The following ZNF536 variants were observed in gnomAD, a reference collection of about 807,000 sequenced individuals.
The protein encoded by ZNF536 is zinc finger protein 536.
ZNF536 carries 13 observed loss-of-function variants against 84.5 expected under a neutral mutation model. That is an observed-to-expected ratio of 0.15 (90% CI 0.10 to 0.24). The LOEUF is 0.24. Among genes scored for constraint, ZNF536 ranks in the 10% least tolerant of loss-of-function variants. The probability of loss-of-function intolerance (pLI) is 1.00; values close to 1 mark genes in which losing one functional copy is unlikely to be tolerated. For missense variants in ZNF536, 1,536 were observed against 1,747.5 expected (o/e 0.88, Z 2.16); for synonymous variants, 811 against 742.5 (o/e 1.09, Z -1.50).
intron 1 of ZNF536, among the ~76,000 whole-genome samples, chr19:30,699,061 C>G (rs2051783639): frequency 6.6e-6 from 1 of 152,216 alleles, no homozygotes; most frequent in South Asian, 2.1e-4. Flanking sequence ...GCTTCTTCAG[C>G]AAGCTCTGTG....
chr19:30,296,004 C>A (rs2045985313), intron 2 of ZNF536, among the ~76,000 whole-genome samples: 1 of 152,210 alleles, frequency 6.6e-6, no homozygotes, highest in Admixed American at 6.5e-5. Context: ...TCGGGCAGGG[C>A]AGGTTAGCTT....
chr19:30,401,946 T>A (rs1351748508), intron 1 of ZNF536, among the ~76,000 whole-genome samples: 1 of 152,242 alleles, frequency 6.6e-6, no homozygotes, highest in Non-Finnish European at 1.5e-5. Context: ...CTGTGAAATG[T>A]GCAATATGGC....
At chr19:30,280,032 A>T (rs2045381934) in intron 1 of ZNF536, among the ~76,000 whole-genome samples, 1 of 151,790 alleles carries the variant, frequency 6.6e-6, no homozygotes, top group African/African-American at 2.4e-5. Flanking sequence ...AATACACTCC[A>T]CCTCCCGCAG....
At chr19:30,467,312 T>C (rs981798975) in intron 2 of ZNF536, among the ~76,000 whole-genome samples, 4 of 152,224 alleles carry the variant, frequency 2.6e-5, no homozygotes, top group Non-Finnish European at 5.9e-5. Context: ...ACCCTTCTAC[T>C]TTCCATGTAT....
rs933375578 is a variant in ZNF536, at chr19:30,445,554, G to C, written c.1992G>C (p.Leu664=). ...KRDRKGEEDG[L]HVGLDERRGS... Reference sequence around the variant, plus strand: ...ACCGCAAGGGCGAGGAGGATGGGCTGCACGTGGGCCTGGATGAGCGGCGTG... The same window carrying C: ...ACCGCAAGGGCGAGGAGGATGGGCTCCACGTGGGCCTGGATGAGCGGCGTG... The change falls in exon 2 of 5, where the codon CTG becomes CTC. Residue 664 remains leucine, a synonymous_variant. Coordinates refer to ENST00000355537, the MANE Select transcript of ZNF536 (RefSeq NM_014717.3). This position sits in a 1 kb window ranked among gnomAD's most constrained non-coding sequence, Gnocchi z 4.5. 1 of 1,613,440 alleles carries C rather than the reference G, an allele frequency of 6.2e-7. No homozygotes were observed. Among genetic ancestry groups the C allele is most frequent in the African/African-American group, 1.3e-5 (1 of 74,956 alleles).
At chr19:30,255,333 G>A (rs1418549519) in intron 1 of ZNF536, among the ~76,000 whole-genome samples, 1 of 152,144 alleles carries the variant, frequency 6.6e-6, no homozygotes, top group Non-Finnish European at 1.5e-5. Flanking sequence ...AATATTTGCG[G>A]GGAGATAGTT....
intron 1 of ZNF536, among the ~76,000 whole-genome samples, chr19:30,694,447 G>A (rs796394046): frequency 3.5e-4 from 54 of 152,286 alleles, no homozygotes; most frequent in African/African-American, 1.3e-3. Context: ...TGGCTGTTTA[G>A]TTGAGAGTGG....
chr19:30,475,818 C>G (rs1218569120), intron 2 of ZNF536, among the ~76,000 whole-genome samples: 1 of 152,174 alleles, frequency 6.6e-6, no homozygotes, highest in Non-Finnish European at 1.5e-5. Context: ...TGAGGGGTCC[C>G]CCTTTCTCCC....
intron 1 of ZNF536, among the ~76,000 whole-genome samples, chr19:30,635,111 G>A (rs1044851511): frequency 3.3e-5 from 5 of 152,182 alleles, no homozygotes; most frequent in African/African-American, 4.8e-5. Context: ...CCCCACACGC[G>A]CATGTTTAGG....
chr19:30,370,694 A>G (rs2048582629), upstream of ZNF536, among the ~76,000 whole-genome samples: 1 of 152,240 alleles, frequency 6.6e-6, no homozygotes, highest in Admixed American at 6.5e-5. Context: ...CAATATCAAT[A>G]CTTAACAGCA....
chr19:30,511,987 A>G (rs1370377986), intron 2 of ZNF536, among the ~76,000 whole-genome samples: 1 of 152,206 alleles, frequency 6.6e-6, no homozygotes, highest in Non-Finnish European at 1.5e-5. Context: ...TAATCCATAC[A>G]TTTACATTAA....
intron 1 of ZNF536, among the ~76,000 whole-genome samples, chr19:30,268,893 T>C (rs1186891717): frequency 6.6e-6 from 1 of 152,104 alleles, no homozygotes; most frequent in Admixed American, 6.5e-5. Context: ...TTTTCTTGCT[T>C]TTAGGTAGTG....
intron 1 of ZNF536, among the ~76,000 whole-genome samples, chr19:30,679,915 T>G (rs970566806): frequency 6.6e-6 from 1 of 152,278 alleles, no homozygotes; most frequent in African/African-American, 2.4e-5. Flanking sequence ...ACTTGCCAGA[T>G]GCACAGGTGA....
intron 1 of ZNF536, among the ~76,000 whole-genome samples, chr19:30,424,248 G>T (rs182485441): frequency 6.6e-6 from 1 of 152,298 alleles, no homozygotes; most frequent in East Asian, 1.9e-4. Flanking sequence ...CTGCAGGGGG[G>T]TCTGGACTTG....
rs942314939 is a variant in ZNF536, at chr19:30,617,307, A to C, written c.169+67793A>C. ...CTCCCACCCTTTCCCCACAGTCCCC[A>C]GAGTCCACCATATCTGAATAGCTTA... On this transcript the variant is annotated intron_variant, in intron 1 of 1. Transcript: ENST00000592773. Among the ~76,000 whole-genome samples the C allele has an allele frequency of 4.9e-5, 6 of 123,074 alleles. No individual in the cohort carries two copies. The Admixed American group carries it at 5.6e-4, about 12-fold the overall frequency. 80.7% of individuals were successfully genotyped at this position (123,074 alleles called of 152,430 possible).
chr19:30,424,936 A>G (rs990273848), intron 1 of ZNF536, among the ~76,000 whole-genome samples: 2 of 152,168 alleles, frequency 1.3e-5, no homozygotes, highest in Non-Finnish European at 2.9e-5. Flanking sequence ...CTTCTGGAAG[A>G]GCCCAAGCCA....
At chr19:30,247,093 C>T (rs1048464584) in intron 1 of ZNF536, among the ~76,000 whole-genome samples, 1 of 152,250 alleles carries the variant, frequency 6.6e-6, no homozygotes, top group Non-Finnish European at 1.5e-5. Flanking sequence ...GCCTCCCAAC[C>T]TCTCTTCCCC....
intron 1 of ZNF536, among the ~76,000 whole-genome samples, chr19:30,385,903 C>T (rs2049322230): frequency 6.6e-6 from 1 of 152,152 alleles, no homozygotes. Context: ...CTTAGTGGGA[C>T]CCCATGGAGT....
chr19:30,365,487 TG>T (rs1021443171), intron 3 of ZNF536, among the ~76,000 whole-genome samples: 27 of 152,268 alleles, frequency 1.8e-4, no homozygotes, highest in African/African-American at 6.0e-4. Flanking sequence ...ACAGCTTTGG[TG>T]GGGGGAAGAT....
Sources: gnomAD v4.1 joint callset for allele counts (sites outside exome capture counted in the v4.1 genomes callset) on GRCh38, gnomAD v4.1.1 for gene constraint, Gnocchi (gnomAD v3.1) non-coding constraint, MANE v1.5 for transcripts, NCBI Gene and HGNC (gene_info 2026-07-23, HGNC 2026-07-21) for gene names.